PRELID2: variants seen among roughly 807,000 people sequenced by gnomAD.
The protein encoded by PRELID2 is PRELI domain-containing protein 2.
In PRELID2, 25 loss-of-function variants were observed where a neutral mutation model predicts 28.4. That is an observed-to-expected ratio of 0.88 (90% CI 0.64 to 1.23). The LOEUF (loss-of-function observed/expected upper bound fraction) is 1.23, where lower values mean the gene tolerates loss of function less well. Ranked by LOEUF, PRELID2 falls within the 50% of genes most tolerant of loss-of-function variation. The probability of loss-of-function intolerance (pLI) is 0.00; values close to 1 mark genes in which losing one functional copy is unlikely to be tolerated. For synonymous variants in PRELID2, 76 were observed against 71.6 expected (o/e 1.06, Z -0.31); for missense variants, 201 against 214.4 (o/e 0.94, Z 0.39).
the PRELID2 span, among the ~76,000 whole-genome samples, chr5:145,393,386 G>A: frequency 6.6e-6 from 1 of 152,076 alleles, no homozygotes; most frequent in African/African-American, 2.4e-5. Flanking sequence ...CTGGCTTTGG[G>A]TTTTTAAAAG....
intron 1 of PRELID2, among the ~76,000 whole-genome samples, chr5:145,588,928 G>A (rs1753190054): frequency 6.6e-6 from 1 of 151,730 alleles, no homozygotes; most frequent in Admixed American, 6.6e-5. Flanking sequence ...AGTGATATAT[G>A]TTAGTAGTAA....
At chr5:145,578,532 T>C (rs1408153686) in intron 1 of PRELID2, among the ~76,000 whole-genome samples, 1 of 152,008 alleles carries the variant, frequency 6.6e-6, no homozygotes, top group Admixed American at 6.6e-5. Flanking sequence ...AGCAAAACCA[T>C]TGCCAGCAGA....
intron 1 of PRELID2, chr5:145,729,404 G>A (rs549741099): frequency 4.8e-6 from 2 of 415,880 alleles, no homozygotes; most frequent in African/African-American, 4.3e-5. Context: ...CCATGAAACT[G>A]AAGCTTCAAG....
the PRELID2 span, among the ~76,000 whole-genome samples, chr5:145,326,832 GA>G: frequency 1.3e-5 from 2 of 150,392 alleles, no homozygotes; most frequent in Non-Finnish European, 3.0e-5. Context: ...AACTATAAAA[GA>G]AAAAAAAAGA....
intron 1 of PRELID2, among the ~76,000 whole-genome samples, chr5:145,675,458 G>A (rs959833177): frequency 3.3e-5 from 5 of 152,192 alleles, no homozygotes; most frequent in Non-Finnish European, 5.9e-5. Context: ...ATTGAGAAGA[G>A]ATTGACACTA....
the PRELID2 span, among the ~76,000 whole-genome samples, chr5:145,391,528 C>G: frequency 6.6e-6 from 1 of 152,126 alleles, no homozygotes. Context: ...ATTTTTTCCA[C>G]CTAGGCTTCC....
At chr5:145,559,073 T>C (rs1752904303) in intron 1 of PRELID2, among the ~76,000 whole-genome samples, 1 of 151,938 alleles carries the variant, frequency 6.6e-6, no homozygotes, top group Non-Finnish European at 1.5e-5. Context: ...GCTAACATGG[T>C]GAAACCCCGT....
At chr5:145,396,018 C>T in the PRELID2 span, among the ~76,000 whole-genome samples, 2 of 152,042 alleles carry the variant, frequency 1.3e-5, no homozygotes, top group African/African-American at 4.8e-5. Context: ...TTCTTGGGAG[C>T]CAGAATAAGA....
At chr5:145,610,631 C>A (rs1167452159) in intron 1 of PRELID2, among the ~76,000 whole-genome samples, 1 of 152,110 alleles carries the variant, frequency 6.6e-6, no homozygotes, top group Non-Finnish European at 1.5e-5. Context: ...CTGGCTGAGA[C>A]AGAAATTAGT....
chr5:145,690,203 G>A (rs372058985), intron 1 of PRELID2, among the ~76,000 whole-genome samples: 15 of 151,940 alleles, frequency 9.9e-5, no homozygotes, highest in African/African-American at 1.9e-4. Flanking sequence ...TGGTGCCCCC[G>A]GCCGGTCTTG....
At chr5:145,252,833 A>T in the PRELID2 span, among the ~76,000 whole-genome samples, 1 of 152,168 alleles carries the variant, frequency 6.6e-6, no homozygotes, top group African/African-American at 2.4e-5. Context: ...TGAACTGTAC[A>T]TCTAAAGTCA....
chr5:145,345,493 T>C, the PRELID2 span, among the ~76,000 whole-genome samples: 1 of 152,010 alleles, frequency 6.6e-6, no homozygotes, highest in Non-Finnish European at 1.5e-5. Context: ...AAGCTGAGAA[T>C]AAAGTCAGGA....
chr5:145,771,675 G>A (rs1758115047), intron 5 of PRELID2, among the ~76,000 whole-genome samples: 1 of 152,040 alleles, frequency 6.6e-6, no homozygotes, highest in Non-Finnish European at 1.5e-5. Context: ...AACCAACATG[G>A]AGAAACGCCA....
chr5:145,765,054 T>G, intron 5 of PRELID2, 54 bp from the exon 6 acceptor site: 1 of 1,229,050 alleles, frequency 8.1e-7, no homozygotes, highest in Non-Finnish European at 1.2e-6. Context: ...ACAAGTACTT[T>G]TACATTTATC....
At chr5:145,379,516 T>A in the PRELID2 span, among the ~76,000 whole-genome samples, 2 of 152,052 alleles carry the variant, frequency 1.3e-5, no homozygotes, top group African/African-American at 4.8e-5. Flanking sequence ...GCAAGAGTGG[T>A]CACTCAGGGT....
rs1398673619 is a variant in PRELID2, at chr5:145,731,671, A to C, written n.70+33260T>G. On this transcript the variant is annotated intron_variant and non_coding_transcript_variant, in intron 1 of 2. Coordinates refer to the PRELID2 transcript ENST00000510259. Reference sequence around the variant, plus strand: ...GAAATTATGCTATGAGAAGTTGTCAAATTTAGCAAAGAAAAGAGTTTTTGT... The same window carrying C: ...GAAATTATGCTATGAGAAGTTGTCACATTTAGCAAAGAAAAGAGTTTTTGT... Among the ~76,000 whole-genome samples, 20 of 152,174 alleles carry C rather than the reference A, an allele frequency of 1.3e-4. 1 individual carries two copies. The highest frequency in any genetic ancestry group is 1.2e-3 in the Admixed American group (19 of 15,272).
At chr5:145,259,292 T>C in the PRELID2 span, among the ~76,000 whole-genome samples, 3 of 152,136 alleles carry the variant, frequency 2.0e-5, no homozygotes, top group East Asian at 5.8e-4. Context: ...CTAGTGGAGC[T>C]ATGAGAAGAA....
At chr5:145,289,706 A>T in the PRELID2 span, among the ~76,000 whole-genome samples, 1 of 152,300 alleles carries the variant, frequency 6.6e-6, no homozygotes, top group Non-Finnish European at 1.5e-5. Flanking sequence ...CTCATTTTGC[A>T]TCTGCACCAG....
the PRELID2 span, among the ~76,000 whole-genome samples, chr5:145,364,902 T>C: frequency 1.3e-5 from 2 of 151,956 alleles, no homozygotes. Flanking sequence ...AAAGGAAATA[T>C]TAATCTAAGA....
Sources: allele counts gnomAD v4.1 joint callset (sites outside exome capture counted in the v4.1 genomes callset), GRCh38; gene constraint gnomAD v4.1.1; transcripts MANE v1.5; gene names NCBI Gene and HGNC (gene_info 2026-07-23, HGNC 2026-07-21).